Variants in KCNMA1 observed in about 807,000 individuals in gnomAD.
The protein encoded by KCNMA1 is Calcium-activated potassium channel subunit alpha-1.
A neutral mutation model predicts 140.0 loss-of-function variants in KCNMA1; 29 were observed. The observed-to-expected ratio is 0.21, with a 90% CI of 0.15 to 0.28. KCNMA1 has a LOEUF of 0.28. KCNMA1 is among the 10% of genes least tolerant of loss of function. The pLI is 1.00. For synonymous variants in KCNMA1, 612 were observed against 611.9 expected (o/e 1.00, Z 0.00); for missense variants, 880 against 1,602.2 (o/e 0.55, Z 7.70).
intron 23 of KCNMA1, among the ~76,000 whole-genome samples, chr10:76,919,667 T>C (rs2054493141): frequency 6.6e-6 from 1 of 152,170 alleles, no homozygotes; most frequent in African/African-American, 2.4e-5. Flanking sequence ...CTATAAGCCA[T>C]GGCACTATAA....
At chr10:77,440,471 A>T (rs964733227) in intron 1 of KCNMA1, among the ~76,000 whole-genome samples, 1 of 152,192 alleles carries the variant, frequency 6.6e-6, no homozygotes, top group African/African-American at 2.4e-5. Context: ...TGCTTGCTAG[A>T]GAAGCCCAAG....
At chr10:76,989,386 A>G (rs1483037038) in intron 19 of KCNMA1, among the ~76,000 whole-genome samples, 2 of 152,144 alleles carry the variant, frequency 1.3e-5, no homozygotes, top group Non-Finnish European at 2.9e-5. Flanking sequence ...AGGACCTACC[A>G]CGATGTTGGG....
chr10:77,072,276 G>T (rs1297704734), intron 14 of KCNMA1, among the ~76,000 whole-genome samples: 1 of 152,192 alleles, frequency 6.6e-6, no homozygotes, highest in Admixed American at 6.5e-5. Context: ...TTGTCACCTT[G>T]ACTGCCTAAT....
chr10:77,217,866 A>G (rs894191494), intron 3 of KCNMA1, among the ~76,000 whole-genome samples: 8 of 152,196 alleles, frequency 5.3e-5, no homozygotes, highest in African/African-American at 1.9e-4. Context: ...ACCTGCACAT[A>G]AAAGTTCGAT....
rs182424455 is a variant in KCNMA1, at chr10:77,112,479, C to T, written c.885-37G>A. 3 of 1,537,678 alleles carry T rather than the reference C, an allele frequency of 2.0e-6. No individual in the cohort carries two copies. In the South Asian group the frequency reaches 3.4e-5, roughly 17 times the overall value. ...ACAACAAGCAAAATCCCCACGTTAC[C>T]AAGGGAAGGCCCTGCTGGGGCTGCC... On this transcript the variant is annotated intron_variant, in intron 6 of 27. Coordinates refer to ENST00000286628, the MANE Select transcript of KCNMA1 (RefSeq NM_001161352.2).
At chr10:77,460,881 G>A (rs985904648) in intron 1 of KCNMA1, among the ~76,000 whole-genome samples, 4 of 152,152 alleles carry the variant, frequency 2.6e-5, no homozygotes, top group South Asian at 2.1e-4. Flanking sequence ...CGAGGTGGGC[G>A]GATCACCTGA....
At chr10:77,275,254 C>T (rs2066331980) in intron 2 of KCNMA1, among the ~76,000 whole-genome samples, 1 of 152,140 alleles carries the variant, frequency 6.6e-6, no homozygotes, top group Non-Finnish European at 1.5e-5. Context: ...TCTTGACTAG[C>T]TCCAGTTTGC....
intron 2 of KCNMA1, among the ~76,000 whole-genome samples, chr10:77,357,748 G>A (rs1025401187): frequency 6.6e-6 from 1 of 152,160 alleles, no homozygotes; most frequent in African/African-American, 2.4e-5. Context: ...AACTTTCACT[G>A]TTATGAAGAT....
chr10:77,270,489 TC>T (rs2064738753), intron 2 of KCNMA1, among the ~76,000 whole-genome samples: 2 of 151,854 alleles, frequency 1.3e-5, no homozygotes, highest in African/African-American at 4.8e-5. Flanking sequence ...TTCCTTTCTT[TC>T]CTTTCTTTCT....
intron 20 of KCNMA1, 104 bp downstream of exon 20, chr10:76,969,868 GCT>G: frequency 1.2e-6 from 1 of 843,820 alleles, no homozygotes; most frequent in Non-Finnish European, 2.0e-6. Flanking sequence ...CCCACCCCGG[GCT>G]TGCTGGGGAG....
chr10:76,944,831 G>C lies in KCNMA1; in HGVS notation c.2844C>G (p.Leu948=). ...LQDKECILAS[L]NIKSMQFDDS... is the part of the protein sequence containing the mutation. ...CATCAAACTGCATAGATTTGATGTT[G>C]AGTGACGCCAAGATGCATTCCTTGT... Residue 948 remains leucine (L), a synonymous_variant, in exon 23 of 28, where the codon CTC becomes CTG. Coordinates refer to ENST00000286628, the MANE Select transcript of KCNMA1 (RefSeq NM_001161352.2). 1 of 1,614,174 alleles carries C rather than the reference G, an allele frequency of 6.2e-7. No individual in the cohort carries two copies. The highest frequency in any genetic ancestry group is 8.5e-7 in the Non-Finnish European group (1 of 1,180,014).
chr10:77,226,796 G>C (rs1417632052), intron 3 of KCNMA1, among the ~76,000 whole-genome samples: 3 of 152,108 alleles, frequency 2.0e-5, no homozygotes, highest in African/African-American at 7.2e-5. Context: ...GGTAAAAGAG[G>C]AGGGGGCTAC....
intron 2 of KCNMA1, among the ~76,000 whole-genome samples, chr10:77,356,117 G>A (rs2093458019): frequency 6.6e-6 from 1 of 152,082 alleles, no homozygotes; most frequent in East Asian, 1.9e-4. Flanking sequence ...ATTACATACA[G>A]CTCAAGGGCA....
rs145491249 is a variant in KCNMA1, at chr10:77,446,370, C to T, written c.379-42347G>A. On this transcript the variant is annotated intron_variant, in intron 1 of 27. Transcript: ENST00000286628. ...CAAATATGGGTTGCCTAGCTGGTAG[C>T]TTCTGGCCCAGATGCCAGTCCAAGA... 6.6e-3 allele frequency among the ~76,000 whole-genome samples: 1,001 copies of T among 152,354 alleles called. 17 individuals carry two copies. The highest frequency in any genetic ancestry group is 0.023 in the African/African-American group (958 of 41,576).
intron 1 of KCNMA1, among the ~76,000 whole-genome samples, chr10:77,576,030 G>A (rs756107659): frequency 6.6e-6 from 1 of 152,228 alleles, no homozygotes; most frequent in Non-Finnish European, 1.5e-5. Context: ...CATGGATTGG[G>A]GAGAATGGCT....
chr10:77,314,788 G>A (rs369909960), intron 2 of KCNMA1, among the ~76,000 whole-genome samples: 1 of 152,038 alleles, frequency 6.6e-6, no homozygotes, highest in Admixed American at 6.6e-5. Flanking sequence ...ACCTAGCAGG[G>A]TAATTTCATC....
chr10:77,387,521 G>T (rs1005419382), intron 2 of KCNMA1, among the ~76,000 whole-genome samples: 4 of 134,094 alleles, frequency 3.0e-5, no homozygotes. Context: ...AGTCAGTCAT[G>T]GAATTGTTCT....
chr10:77,278,686 T>C (rs1166491953), intron 2 of KCNMA1, among the ~76,000 whole-genome samples: 1 of 152,122 alleles, frequency 6.6e-6, no homozygotes, highest in African/African-American at 2.4e-5. Context: ...GCAAAGTATA[T>C]AGGATTTGGT....
chr10:77,549,116 G>A (rs1423026421), intron 1 of KCNMA1, among the ~76,000 whole-genome samples: 1 of 152,208 alleles, frequency 6.6e-6, no homozygotes, highest in Non-Finnish European at 1.5e-5. Context: ...TAAATGCCTT[G>A]TATGTATTAA....
Sources: gnomAD v4.1 joint callset for allele counts (sites outside exome capture counted in the v4.1 genomes callset) on GRCh38, gnomAD v4.1.1 for gene constraint, MANE v1.5 for transcripts, NCBI Gene and HGNC (gene_info 2026-07-23, HGNC 2026-07-21) for gene names.